The following STX8 variants were observed in gnomAD, a reference collection of about 807,000 sequenced individuals.
STX8 encodes the protein syntaxin 8.
A neutral mutation model predicts 37.5 loss-of-function variants in STX8; 23 were observed. That is an observed-to-expected ratio of 0.61 (90% confidence interval 0.44 to 0.87). STX8 has a LOEUF of 0.87. Ranked by LOEUF, STX8 falls within the 40% of genes least tolerant of loss-of-function variation. The pLI is 0.00. For missense variants in STX8, 313 were observed against 284.7 expected (o/e 1.10, Z -0.71); for synonymous variants, 115 against 99.1 (o/e 1.16, Z -0.95).
At chr17:9,365,555 G>A (rs1006375938) in intron 7 of STX8, among the ~76,000 whole-genome samples, 1 of 152,266 alleles carries the variant, frequency 6.6e-6, no homozygotes, top group Non-Finnish European at 1.5e-5. Flanking sequence ...TTCAAGTGAG[G>A]TTTGGGTCTG....
chr17:9,443,402 G>A (rs756012131), intron 6 of STX8, among the ~76,000 whole-genome samples: 7 of 152,050 alleles, frequency 4.6e-5, no homozygotes, highest in Non-Finnish European at 7.4e-5. Flanking sequence ...CACACAGTCC[G>A]CATCCCCAAG....
At chr17:9,363,644 TATC>T (rs1911137125) in intron 7 of STX8, among the ~76,000 whole-genome samples, 1 of 152,174 alleles carries the variant, frequency 6.6e-6, no homozygotes, top group Non-Finnish European at 1.5e-5. Flanking sequence ...ACATCAGTCA[TATC>T]ATCAATCAAG....
At chr17:9,356,960 GTTTTTTTTT>G (rs140965935) in intron 7 of STX8, among the ~76,000 whole-genome samples, 3 of 61,752 alleles carry the variant, frequency 4.9e-5, no homozygotes, top group African/African-American at 6.2e-5. Context: ...CCTTTTAACA[GTTTTTTTTT>G]TTTTTTTTTT....
rs151108259 is a variant in STX8 at position 9,488,862 on chromosome 17, G to A, written c.541+2967C>T. On this transcript the variant is annotated intron_variant, in intron 6 of 7. Coordinates refer to ENST00000306357, the MANE Select transcript of STX8 (RefSeq NM_004853.3). ...TGTGTGTGTGTTTTGAGAGTCTCTC[G>A]CTCGGTCACGTGTGTGTGTGTGTGT... Among the ~76,000 whole-genome samples the A allele has an allele frequency of 7.1e-3, 1,037 of 145,318 alleles. 2 individuals are homozygous for A. Among genetic ancestry groups the A allele is most frequent in the Middle Eastern group, 0.018 (5 of 282 alleles).
chr17:9,546,591 G>GTT (rs386385626), intron 3 of STX8, among the ~76,000 whole-genome samples: 639 of 52,212 alleles, frequency 0.012, 33 homozygotes, highest in Middle Eastern at 0.056. Context: ...TACAAAAGTG[G>GTT]TTTTTTTTTT....
intron 6 of STX8, among the ~76,000 whole-genome samples, chr17:9,454,776 A>G (rs575531944): frequency 6.6e-6 from 1 of 152,306 alleles, no homozygotes; most frequent in Admixed American, 6.5e-5. Flanking sequence ...GAAACCACAG[A>G]AAGCGAAACC....
In STX8 at chr17:9,446,314, A is replaced by C. The variant is rs561606514; in HGVS notation, c.541+45515T>G. On this transcript the variant is annotated intron_variant, in intron 6 of 7. Coordinates refer to ENST00000306357, the MANE Select transcript of STX8 (RefSeq NM_004853.3). ...ATTCATTGGAAGCCAACTTAGCAACACTGTGCTTTATTATTCTAGCTCAGA... is the reference window on the plus strand; with the variant it reads ...ATTCATTGGAAGCCAACTTAGCAACCCTGTGCTTTATTATTCTAGCTCAGA... 3.1e-4 allele frequency among the ~76,000 whole-genome samples: 47 copies of C among 152,310 alleles called. No homozygotes were observed. In the South Asian group the frequency reaches 9.5e-3, roughly 31 times the overall value.
chr17:9,567,190 T>C (rs1907495802), intron 2 of STX8, among the ~76,000 whole-genome samples: 1 of 151,966 alleles, frequency 6.6e-6, no homozygotes, highest in Admixed American at 6.6e-5. Context: ...TTAGGAAAAA[T>C]AGTAAGTGCT....
chr17:9,358,384 T>A (rs996242846), intron 7 of STX8, among the ~76,000 whole-genome samples: 1 of 152,098 alleles, frequency 6.6e-6, no homozygotes, highest in Non-Finnish European at 1.5e-5. Flanking sequence ...GTCTTCAATT[T>A]TGCAAAAGGG....
chr17:9,511,105 T>C (rs1208850305), intron 4 of STX8, among the ~76,000 whole-genome samples: 3 of 152,128 alleles, frequency 2.0e-5, no homozygotes, highest in South Asian at 2.1e-4. Flanking sequence ...AGTAATGAGA[T>C]TGAATCAATA....
intron 6 of STX8, among the ~76,000 whole-genome samples, chr17:9,386,679 T>C (rs1002079778): frequency 3.3e-5 from 5 of 152,126 alleles, no homozygotes; most frequent in Non-Finnish European, 4.4e-5. Flanking sequence ...TCCCCTTTTA[T>C]AACATCCCTG....
intron 6 of STX8, among the ~76,000 whole-genome samples, chr17:9,385,238 T>G (rs1353993675): frequency 6.6e-6 from 1 of 152,196 alleles, no homozygotes; most frequent in Non-Finnish European, 1.5e-5. Flanking sequence ...GCTTCAGTCT[T>G]TGTCTCATCA....
At chr17:9,359,373 A>ACTGG (rs1020004415) in intron 7 of STX8, among the ~76,000 whole-genome samples, 6 of 152,004 alleles carry the variant, frequency 3.9e-5, no homozygotes, top group African/African-American at 1.4e-4. Context: ...AGATAAACAC[A>ACTGG]CTGGCCCTGG....
intron 5 of STX8, among the ~76,000 whole-genome samples, chr17:9,499,093 C>T (rs577661093): frequency 6.6e-6 from 1 of 152,318 alleles, no homozygotes; most frequent in Admixed American, 6.5e-5. Flanking sequence ...ATTCCCTGCC[C>T]TTCAGTCTAT....
intron 3 of STX8, chr17:9,557,038 AAAACTC>A (rs1485958147): frequency 6.0e-6 from 1 of 167,310 alleles, no homozygotes; most frequent in Non-Finnish European, 1.3e-5. Flanking sequence ...TGGATCATTA[AAAACTC>A]TGGAAACTCC....
chr17:9,552,172 A>G (rs1277112775), intron 3 of STX8, among the ~76,000 whole-genome samples: 1 of 152,078 alleles, frequency 6.6e-6, no homozygotes, highest in Non-Finnish European at 1.5e-5. Context: ...CAACATGGCG[A>G]GACCCCATCT....
chr17:9,566,788 G>C (rs747203110), intron 2 of STX8, among the ~76,000 whole-genome samples: 1 of 146,114 alleles, frequency 6.8e-6, no homozygotes, highest in Non-Finnish European at 1.5e-5. Context: ...ACTCCGTCTC[G>C]AAAAAAAAAG....
rs78684071 is a variant in STX8, at chr17:9,545,508, T to C, written c.213-226A>G. 7.3e-3 allele frequency among the ~76,000 whole-genome samples: 1,117 copies of C among 152,294 alleles called. 18 individuals carry two copies. Among genetic ancestry groups the C allele is most frequent in the African/African-American group, 0.025 (1,056 of 41,564 alleles). ...CCATCGCAGAGGCACTTATAAACAC[T>C]GACGTGGATCATGACACAAGTTTTT... On this transcript the variant is annotated intron_variant, in intron 3 of 7. Coordinates refer to ENST00000306357, the MANE Select transcript of STX8 (RefSeq NM_004853.3).
intron 7 of STX8, among the ~76,000 whole-genome samples, chr17:9,284,660 C>G (rs926613305): frequency 1.3e-5 from 2 of 152,098 alleles, no homozygotes; most frequent in Admixed American, 1.3e-4. Flanking sequence ...ATGAAACATA[C>G]TTTTTGAAAT....
Sources: gnomAD v4.1 joint callset for allele counts (sites outside exome capture counted in the v4.1 genomes callset) on GRCh38, gnomAD v4.1.1 for gene constraint, MANE v1.5 for transcripts, NCBI Gene and HGNC (gene_info 2026-07-23, HGNC 2026-07-21) for gene names.